The following MGA variants were observed in gnomAD, a reference collection of about 807,000 sequenced individuals.
MGA encodes MAX dimerization protein MGA.
A neutral mutation model predicts 261.1 loss-of-function variants in MGA; 40 were observed. That is an observed-to-expected ratio of 0.15 (90% CI 0.12 to 0.20). The LOEUF (loss-of-function observed/expected upper bound fraction) is 0.20, where lower values mean the gene tolerates loss of function less well. Ranked by LOEUF, MGA falls within the 10% of genes least tolerant of loss-of-function variation. The pLI is 1.00. For missense variants in MGA, 3,397 were observed against 3,630.5 expected (o/e 0.94, Z 1.65); for synonymous variants, 1,302 against 1,290.6 (o/e 1.01, Z -0.19).
At chr15:41,664,748 G>A (rs1271782138) in intron 1 of MGA, among the ~76,000 whole-genome samples, 1 of 151,992 alleles carries the variant, frequency 6.6e-6, no homozygotes, top group African/African-American at 2.4e-5. Flanking sequence ...TCATTGTAGA[G>A]GTATTTTTTT....
intron 2 of MGA, among the ~76,000 whole-genome samples, chr15:41,688,933 G>C (rs186758651): frequency 6.6e-6 from 1 of 152,022 alleles, no homozygotes; most frequent in African/African-American, 2.4e-5. Flanking sequence ...GTCCACACAT[G>C]GGGGGAGCGG....
At chr15:41,659,647 A>G (rs2057290041), upstream of MGA, among the ~76,000 whole-genome samples, 1 of 152,372 alleles carries the variant, frequency 6.6e-6, no homozygotes, top group South Asian at 2.1e-4. Flanking sequence ...GATATTCACT[A>G]ATACTTTCTT....
intron 22 of MGA, among the ~76,000 whole-genome samples, chr15:41,763,844 T>C (rs1429810667): frequency 5.3e-5 from 8 of 152,112 alleles, no homozygotes; most frequent in African/African-American, 1.9e-4. Flanking sequence ...TGATTTTATG[T>C]GTTACTTATA....
rs1012754395 is a variant in MGA at position 41,704,417 on chromosome 15, T to G, written c.2189-3311T>G. On this transcript the variant is annotated intron_variant, in intron 5 of 23. Transcript: ENST00000219905. ...GCTCACGCCTGTAATCCCAGCACTT[T>G]GGGAGGCCAAGGCGGGTGGATCACA... Among the ~76,000 whole-genome samples the G allele has an allele frequency of 7.9e-5, 12 of 152,192 alleles. No individual in the cohort carries two copies. In the East Asian group the frequency reaches 2.3e-3, roughly 30 times the overall value.
chr15:41,639,041 C>T (rs144253429), intron 1 of MGA, among the ~76,000 whole-genome samples: 25 of 152,210 alleles, frequency 1.6e-4, no homozygotes, highest in African/African-American at 6.0e-4. Flanking sequence ...CTGTGTTGCC[C>T]AGGCTGGACT....
At chr15:41,660,045 G>A (rs2057299874), upstream of MGA, among the ~76,000 whole-genome samples, 1 of 152,250 alleles carries the variant, frequency 6.6e-6, no homozygotes, top group Non-Finnish European at 1.5e-5. Flanking sequence ...GGCGCGGCCG[G>A]GGCGGAGCCG....
chr15:41,674,574 T>C (rs1410249599), intron 2 of MGA, among the ~76,000 whole-genome samples: 1 of 151,900 alleles, frequency 6.6e-6, no homozygotes, highest in Non-Finnish European at 1.5e-5. Context: ...GGCTGAAACG[T>C]AGTGGCGTGA....
intron 5 of MGA, among the ~76,000 whole-genome samples, chr15:41,702,880 G>A (rs1051355113): frequency 6.6e-5 from 10 of 152,146 alleles, no homozygotes; most frequent in Non-Finnish European, 5.9e-5. Flanking sequence ...AAAGCTTTAT[G>A]TTTTGGAAGA....
intron 2 of MGA, among the ~76,000 whole-genome samples, chr15:41,688,198 C>T (rs995891151): frequency 3.3e-5 from 5 of 152,246 alleles, no homozygotes; most frequent in South Asian, 4.2e-4. Context: ...GCCTCAGCTT[C>T]CCAAGTAGCT....
chr15:41,766,187 C>A lies in MGA; in HGVS notation c.8105C>A (p.Ser2702Tyr). 6.2e-7 allele frequency: 1 copy of A among 1,614,000 alleles called. No individual in the cohort carries two copies. Among genetic ancestry groups the A allele is most frequent in the Non-Finnish European group, 8.5e-7 (1 of 1,179,884 alleles). ...TCCTTAGAGGATAAGGGTAGAATCT[C>A]TTCCAGAGGAAACAGAGATGGCAGA... The change falls in exon 24 of 24, where the codon TCT (serine) becomes TAT (tyrosine). Residue 2702 changes from serine (S) to tyrosine (Y), a missense_variant. Around this residue, in one of 9 missense-constraint regions of MGA, gnomAD observed 647 missense variants for 642.4 expected, o/e 1.01. Transcript: ENST00000219905.
intron 9 of MGA, among the ~76,000 whole-genome samples, chr15:41,714,960 CTTTTA>C (rs1375933960): frequency 6.6e-6 from 1 of 151,874 alleles, no homozygotes; most frequent in Non-Finnish European, 1.5e-5. Context: ...TCTTTGCTAA[CTTTTA>C]TTGGAGTGTG....
chr15:41,699,144 C>T lies in MGA; in HGVS notation c.2173C>T (p.Pro725Ser). The change falls in exon 5 of 24, where the codon CCT becomes TCT. Residue 725 changes from proline (P) to serine (S), a missense_variant. This residue lies in a region of MGA where 19 missense variants were observed against 44.7 expected (regional missense o/e 0.43). Transcript: ENST00000219905. ...TTTGCGGCACAAGCAGGTGATACAT[C>T]CTGGTCTTCAAGAAGGTAATAGACT... 6.2e-7 allele frequency: 1 copy of T among 1,606,242 alleles called. No individual in the cohort carries two copies. Among genetic ancestry groups the T allele is most frequent in the Non-Finnish European group, 8.5e-7 (1 of 1,175,966 alleles).
At chr15:41,744,073 T>G (rs964244861) in intron 15 of MGA, among the ~76,000 whole-genome samples, 8 of 152,188 alleles carry the variant, frequency 5.3e-5, no homozygotes, top group Admixed American at 1.3e-4. Flanking sequence ...TCTTAAATAT[T>G]TTTGCATTTA....
chr15:41,623,189 GA>G (rs2056351531), intron 1 of MGA, among the ~76,000 whole-genome samples: 1 of 152,136 alleles, frequency 6.6e-6, no homozygotes, highest in Admixed American at 6.5e-5. Context: ...AAATTCATTT[GA>G]AAAAGTAAAC....
At chr15:41,625,660 G>A (rs2140924506) in intron 1 of MGA, among the ~76,000 whole-genome samples, 1 of 152,206 alleles carries the variant, frequency 6.6e-6, no homozygotes, top group South Asian at 2.1e-4. Flanking sequence ...GCTACAGTGA[G>A]CCATGATTGT....
chr15:41,767,630 G>C lies in MGA; in HGVS notation c.*350G>C. The C allele has an allele frequency of 3.9e-6, 1 of 258,604 alleles. No homozygotes were observed. The highest frequency in any genetic ancestry group is 8.3e-5 in the South Asian group (1 of 11,996). The allele number at this position is 258,604 out of a possible 1,614,324, so 16.0% of individuals were successfully genotyped here. On this transcript the variant is annotated 3_prime_UTR_variant, in exon 24 of 24. Coordinates refer to ENST00000219905, the MANE Select transcript of MGA (RefSeq NM_001164273.2). ...TTCTTCCCCCACAAGCGAAAGAGCTGTTTGCAACTTTGGAGTTGCTGTAGA... is the reference window on the plus strand; with the variant it reads ...TTCTTCCCCCACAAGCGAAAGAGCTCTTTGCAACTTTGGAGTTGCTGTAGA...
chr15:41,758,869 A>G (rs1399275411), intron 19 of MGA, among the ~76,000 whole-genome samples: 4 of 152,228 alleles, frequency 2.6e-5, no homozygotes, highest in Non-Finnish European at 5.9e-5. Flanking sequence ...CACAAAACCA[A>G]GAAACTGCAC....
rs564696456 is a variant in MGA, at chr15:41,687,334, A to G, written c.1065-8741A>G. 2.0e-5 allele frequency among the ~76,000 whole-genome samples: 3 copies of G among 152,296 alleles called. No homozygotes were observed. In the East Asian group the frequency reaches 5.8e-4, roughly 29 times the overall value. ...AAAAATAGTTATTTGTGATGTGAAA[A>G]TTAAAGTTCAAATTTCAGTGTCCTG... On this transcript the variant is annotated intron_variant, in intron 2 of 23. Transcript: ENST00000219905.
rs186037861 is a variant in MGA, at chr15:41,758,064, T to A, written c.7191+225T>A. 2.0e-3 allele frequency among the ~76,000 whole-genome samples: 306 copies of A among 152,212 alleles called. 1 individual carries two copies. Among genetic ancestry groups the A allele is most frequent in the Admixed American group, 3.7e-3 (57 of 15,296 alleles). On this transcript the variant is annotated intron_variant, in intron 19 of 23. Transcript: ENST00000219905. ...AGAGGATAGACTAATGTAGAGGAGT[T>A]AAAAATGGATATGAAATTTATGAGA...
Sources: gnomAD v4.1 joint callset for allele counts (sites outside exome capture counted in the v4.1 genomes callset) on GRCh38, gnomAD v4.1.1 for gene constraint, gnomAD v4.1.1 regional missense constraint, MANE v1.5 for transcripts, NCBI Gene and HGNC (gene_info 2026-07-23, HGNC 2026-07-21) for gene names.